Variants in PTPRN2 observed in about 807,000 individuals in gnomAD.
PTPRN2 encodes receptor-type tyrosine-protein phosphatase N2.
A neutral mutation model predicts 118.8 loss-of-function variants in PTPRN2; 74 were observed. The ratio of observed to expected loss-of-function variants is 0.62; its 90% CI spans 0.52 to 0.76. The LOEUF (loss-of-function observed/expected upper bound fraction) is 0.76. Among genes scored for constraint, PTPRN2 ranks in the 30% least tolerant of loss-of-function variants. The probability of loss-of-function intolerance (pLI) is 0.00; values close to 1 mark genes in which losing one functional copy is unlikely to be tolerated. For missense variants in PTPRN2, 1,481 were observed against 1,394.4 expected (o/e 1.06, Z -0.99); for synonymous variants, 641 against 608.0 (o/e 1.05, Z -0.80).
chr7:158,108,264 C>T (rs1367952977), intron 10 of PTPRN2, among the ~76,000 whole-genome samples: 1 of 152,132 alleles, frequency 6.6e-6, no homozygotes, highest in Admixed American at 6.5e-5. Context: ...AGCCCCCCCT[C>T]ACCTGGATCT....
intron 12 of PTPRN2, among the ~76,000 whole-genome samples, chr7:157,733,187 A>AGGCGCCCAGCACAG (rs1800052785): frequency 3.0e-5 from 1 of 33,816 alleles, no homozygotes. Flanking sequence ...TTCCCGTCCC[A>AGGCGCCCAGCACAG]TGCGCCCAGC....
intron 4 of PTPRN2, among the ~76,000 whole-genome samples, chr7:158,200,323 T>C (rs945280922): frequency 2.0e-5 from 3 of 152,164 alleles, no homozygotes; most frequent in African/African-American, 7.2e-5. Context: ...TTAAGGGAGA[T>C]GCAGGCACCA....
Position 158,138,531 on chromosome 7 carries a change from C to T in PTPRN2, c.911-16G>A. 6.2e-7 allele frequency: 1 copy of T among 1,604,856 alleles called. No homozygotes were observed. Among genetic ancestry groups the T allele is most frequent in the Non-Finnish European group, 8.5e-7 (1 of 1,176,418 alleles). On this transcript the variant is annotated splice_polypyrimidine_tract_variant and intron_variant, in intron 6 of 22. Transcript: ENST00000389418. ...ATCCGTGCTCCTAGGGGCACACACA[C>T]AAACACAAGGACGTTGTGGGTGGAC...
At chr7:157,950,092 T>G (rs1029387844) in intron 11 of PTPRN2, among the ~76,000 whole-genome samples, 1 of 152,244 alleles carries the variant, frequency 6.6e-6, no homozygotes, top group African/African-American at 2.4e-5. Context: ...AATAAAACTT[T>G]AAAGTTTGTG....
At chr7:158,368,119 A>G (rs528508694) in intron 2 of PTPRN2, among the ~76,000 whole-genome samples, 2 of 152,196 alleles carry the variant, frequency 1.3e-5, no homozygotes, top group Non-Finnish European at 2.9e-5. Flanking sequence ...ACACCACTGC[A>G]TATCTAAGTC....
chr7:158,329,578 A>G (rs769345638), intron 2 of PTPRN2, among the ~76,000 whole-genome samples: 53 of 152,328 alleles, frequency 3.5e-4, no homozygotes, highest in Middle Eastern at 6.8e-3. Flanking sequence ...ACCAGACGTC[A>G]ACCCTGCCAG....
chr7:157,599,603 A>C (rs527724500), intron 16 of PTPRN2, among the ~76,000 whole-genome samples: 7 of 152,322 alleles, frequency 4.6e-5, no homozygotes, highest in African/African-American at 1.7e-4. Context: ...TGTCAGGACC[A>C]CTGGACTGTG....
chr7:158,104,744 T>G (rs944284197), intron 10 of PTPRN2, among the ~76,000 whole-genome samples: 1 of 92,390 alleles, frequency 1.1e-5, no homozygotes, highest in African/African-American at 4.1e-5. Flanking sequence ...CATCCTCAGC[T>G]CCTTCCCAAC....
At position 157,881,569 on chromosome 7, in the gene PTPRN2, A is replaced by G. The variant is rs1796131744; in HGVS notation, c.1788+17104T>C. 6.6e-6 allele frequency among the ~76,000 whole-genome samples: 1 copy of G among 152,148 alleles called. No individual in the cohort carries two copies. Among genetic ancestry groups the G allele is most frequent in the Non-Finnish European group, 1.5e-5 (1 of 68,036 alleles). On this transcript the variant is annotated intron_variant, in intron 12 of 22. Transcript: ENST00000389418. The surrounding 1 kb of genome is among the most constrained non-coding windows in gnomAD (Gnocchi z 4.7). ...GAGGACGCACATGGTCAACATGGCA[A>G]CACCCCCTCAGTACACCCTAGACAT...
chr7:157,947,938 A>T (rs1585068430), intron 11 of PTPRN2, among the ~76,000 whole-genome samples: 1 of 152,242 alleles, frequency 6.6e-6, no homozygotes, highest in Admixed American at 6.5e-5. Flanking sequence ...CTGTCAACCA[A>T]TAATTCTGTA....
At chr7:157,644,472 T>G (rs1804900274) in intron 14 of PTPRN2, among the ~76,000 whole-genome samples, 2 of 152,124 alleles carry the variant, frequency 1.3e-5, no homozygotes, top group Admixed American at 1.3e-4. Context: ...CATACGCCTC[T>G]CCCAGGAGCC....
intron 6 of PTPRN2, among the ~76,000 whole-genome samples, chr7:158,149,957 TAGAA>T (rs1254172417): frequency 6.6e-5 from 10 of 152,048 alleles, no homozygotes; most frequent in African/African-American, 2.4e-4. Flanking sequence ...AAAATAAAAA[TAGAA>T]AGTAAGCAAC....
chr7:157,725,706 T>C (rs1260121736), intron 12 of PTPRN2, among the ~76,000 whole-genome samples: 8 of 76,254 alleles, frequency 1.0e-4, no homozygotes, highest in East Asian at 3.4e-4. Flanking sequence ...GAACTGGATA[T>C]CCACATGCAG....
intron 11 of PTPRN2, among the ~76,000 whole-genome samples, chr7:157,952,595 A>T (rs1235218535): frequency 6.6e-6 from 1 of 151,952 alleles, no homozygotes; most frequent in Admixed American, 6.5e-5. Flanking sequence ...TCTAGGGGTG[A>T]GGGAGCCATC....
chr7:158,502,048 G>C (rs566177955), intron 1 of PTPRN2, among the ~76,000 whole-genome samples: 1 of 152,218 alleles, frequency 6.6e-6, no homozygotes, highest in South Asian at 2.1e-4. Context: ...TCCTCTCCTC[G>C]TTCCGACTCT....
chr7:157,577,091 T>C (rs1436486548), intron 18 of PTPRN2, among the ~76,000 whole-genome samples: 1 of 152,150 alleles, frequency 6.6e-6, no homozygotes, highest in African/African-American at 2.4e-5. Context: ...CCATGTTACA[T>C]AAACCCTCAA....
intron 11 of PTPRN2, among the ~76,000 whole-genome samples, chr7:158,052,554 C>A (rs945014141): frequency 1.3e-5 from 2 of 152,108 alleles, no homozygotes; most frequent in Admixed American, 1.3e-4. Flanking sequence ...TGCTTTGCCT[C>A]GTGGGGGCCG....
intron 10 of PTPRN2, among the ~76,000 whole-genome samples, chr7:158,085,420 G>A (rs1167896031): frequency 6.9e-5 from 3 of 43,764 alleles, no homozygotes; most frequent in Admixed American, 3.3e-4. Context: ...CACCCATGAC[G>A]CCCATCCACA....
intron 3 of PTPRN2, among the ~76,000 whole-genome samples, chr7:158,305,184 G>A (rs1376269515): frequency 6.6e-6 from 1 of 152,210 alleles, no homozygotes; most frequent in African/African-American, 2.4e-5. Context: ...TTACTTTAGA[G>A]TGCCCTTGGC....
Sources: allele counts gnomAD v4.1 joint callset (sites outside exome capture counted in the v4.1 genomes callset), GRCh38; gene constraint gnomAD v4.1.1; non-coding constraint Gnocchi (gnomAD v3.1); transcripts MANE v1.5; gene names NCBI Gene and HGNC (gene_info 2026-07-23, HGNC 2026-07-21).